The following GCHFR variants were observed in gnomAD, a reference collection of about 807,000 sequenced individuals.
GCHFR encodes GTP cyclohydrolase I feedback regulator.
Under a neutral mutation model 10.6 loss-of-function variants are expected in GCHFR, and 12 were observed. The observed-to-expected ratio is 1.13, with a 90% CI of 0.72 to 1.83. The LOEUF (loss-of-function observed/expected upper bound fraction) is 1.83. GCHFR is among the 40% of genes most tolerant of loss of function. The pLI, the probability that GCHFR is intolerant of heterozygous loss-of-function variation, is 0.00. For synonymous variants in GCHFR, 54 were observed against 43.7 expected, an observed-to-expected ratio of 1.24 and a Z score of -0.93; for missense variants, 116 against 110.6, an observed-to-expected ratio of 1.05 and a Z score of -0.22.
rs1888979844 is a variant in GCHFR, at chr15:40,767,594, T to TTGTGTAGGCCA, written c.*249_*259dup. 1 of 589,930 alleles carries TTGTGTAGGCCA rather than the reference T, an allele frequency of 1.7e-6. No individual in the cohort carries two copies. Among genetic ancestry groups the TTGTGTAGGCCA allele is most frequent in the African/African-American group, 1.9e-5 (1 of 51,716 alleles). The allele number at this position is 589,930 out of a possible 1,614,324, so 36.5% of individuals were successfully genotyped here. A position where few individuals can be genotyped will look rare whatever the true frequency, so the allele number is the denominator to read the frequency against. On this transcript the variant is annotated 3_prime_UTR_variant, in exon 3 of 3. Coordinates refer to ENST00000260447, the MANE Select transcript of GCHFR (RefSeq NM_005258.3). ...CTGCTTCGGGCCTGGGCCGAGGGCC[T>TTGTGTAGGCCA]TGTGTAGGCCATGTTCCTCGGGCAG...
rs759815106 is a variant in GCHFR, at chr15:40,767,248, C to A, written c.154C>A (p.Pro52Thr). Residue 52 changes from proline to threonine, a missense_variant, in exon 3 of 3, where the codon CCT (proline) becomes ACT (threonine). Transcript: ENST00000260447. ...NNFYEYYVDDPPRIVLDKLER... is the reference protein window; with the variant it reads ...NNFYEYYVDDTPRIVLDKLER... ...CAGTTATGAATACTACGTCGATGAC[C>A]CTCCCCGCATAGTCCTGGACAAGCT... The A allele has an allele frequency of 1.3e-6, 2 of 1,580,568 alleles. No homozygotes were observed. Among genetic ancestry groups the A allele is most frequent in the Admixed American group, 3.6e-5 (2 of 55,550 alleles).
rs759847227 is a variant in GCHFR at position 40,767,321 on chromosome 15, C to A, written c.227C>A (p.Thr76Lys). 5 of 1,602,674 alleles carry A rather than the reference C, an allele frequency of 3.1e-6. No individual in the cohort carries two copies. The part of the protein sequence containing the change: ...RVLSMTGVGQ[T>K]LVWCLHKE The stretch of plus-strand genomic sequence containing the variant: ...CTGAGCATGACGGGGGTGGGCCAGA[C>A]GCTGGTGTGGTGTCTGCACAAGGAG... The change falls in exon 3 of 3, where the codon ACG becomes AAG. Residue 76 changes from threonine to lysine, a missense_variant. Physicochemically the swap from Thr to Lys is moderately conservative, Grantham distance 78. Transcript: ENST00000260447.
Position 40,767,446 on chromosome 15 carries a change from T to C in GCHFR, c.*97T>C. 7.4e-7 allele frequency: 1 copy of C among 1,344,546 alleles called. No homozygotes were observed. Among genetic ancestry groups the C allele is most frequent in the Admixed American group, 2.6e-5 (1 of 38,278 alleles). 83.3% of individuals were successfully genotyped at this position (1,344,546 alleles called of 1,614,324 possible). A position where few individuals can be genotyped will look rare whatever the true frequency, so the allele number is the denominator to read the frequency against. On this transcript the variant is annotated 3_prime_UTR_variant, in exon 3 of 3. Transcript: ENST00000260447. ...TGCCTCACCGTCTGCCTTGCTCCTC[T>C]CTTCCCAAATCATCACCGCCATGGG... is the stretch of plus-strand genomic sequence containing the variant.
Position 40,767,406 on chromosome 15 carries a change from T to G in GCHFR, c.*57T>G. ...CCTGTGGAGGGGCTGCTGTGGGCCCTGACCTCCAAGCTCCTGCCTCACCGT... is the reference window on the plus strand; with the variant it reads ...CCTGTGGAGGGGCTGCTGTGGGCCCGGACCTCCAAGCTCCTGCCTCACCGT... On this transcript the variant is annotated 3_prime_UTR_variant, in exon 3 of 3. Transcript: ENST00000260447. 2.0e-6 allele frequency: 3 copies of G among 1,521,252 alleles called. No homozygotes were observed. The highest frequency in any genetic ancestry group is 2.6e-6 in the Non-Finnish European group (3 of 1,132,494). 94.2% of individuals were successfully genotyped at this position (1,521,252 alleles called of 1,614,324 possible). A position where few individuals can be genotyped will look rare whatever the true frequency, so the allele number is the denominator to read the frequency against.
chr15:40,767,007 G>A (rs572994642), intron 2 of GCHFR: 31 of 397,058 alleles, frequency 7.8e-5, no homozygotes, highest in African/African-American at 6.2e-4. Flanking sequence ...CCACAACAGT[G>A]GCACCTTCAC....
At position 40,767,323 on chromosome 15, in the gene GCHFR, C is replaced by T. The variant is rs772366096; in HGVS notation, c.229C>T (p.Leu77=). 11 of 1,603,428 alleles carry T rather than the reference C, an allele frequency of 6.9e-6. No homozygotes were observed. The African/African-American group carries it at 1.2e-4, about 18-fold the overall frequency. The change falls in exon 3 of 3, where the codon CTG becomes TTG. Residue 77 remains leucine (L), a synonymous_variant. Coordinates refer to ENST00000260447, the MANE Select transcript of GCHFR (RefSeq NM_005258.3). The part of the protein sequence containing the change: ...VLSMTGVGQT[L]VWCLHKE ...GAGCATGACGGGGGTGGGCCAGACG[C>T]TGGTGTGGTGTCTGCACAAGGAGTG...
intron 1 of GCHFR, among the ~76,000 whole-genome samples, chr15:40,764,937 G>C (rs1360735260): frequency 6.6e-6 from 1 of 152,198 alleles, no homozygotes; most frequent in Non-Finnish European, 1.5e-5. Flanking sequence ...CTCTGCCCTT[G>C]CTCACTGCCC....
At chr15:40,764,839 C>T (rs1453164386) in intron 1 of GCHFR, among the ~76,000 whole-genome samples, 1 of 152,192 alleles carries the variant, frequency 6.6e-6, no homozygotes, top group Non-Finnish European at 1.5e-5. Flanking sequence ...TTTCTCTGGG[C>T]GCAGTTTCCT....
chr15:40,767,113 C>A, intron 2 of GCHFR, 113 bp from the exon 3 acceptor site: 1 of 1,150,786 alleles, frequency 8.7e-7, no homozygotes, highest in Non-Finnish European at 1.2e-6. Flanking sequence ...AGCAAGCAGC[C>A]AGCAAGTGTG....
In GCHFR at chr15:40,765,922, G is replaced by T. The variant is rs1347478323; in HGVS notation, c.131+1G>T. On this transcript the variant is annotated splice_donor_variant, in intron 2 of 2. Coordinates refer to ENST00000260447, the MANE Select transcript of GCHFR (RefSeq NM_005258.3). LOFTEE classifies it high-confidence loss of function. ...AGAGAAGAGCCTTGGGAAACAACTTGTAAGTAGCAGCCTCCCTCAGTATCC... is the reference window on the plus strand; with the variant it reads ...AGAGAAGAGCCTTGGGAAACAACTTTTAAGTAGCAGCCTCCCTCAGTATCC... 3 of 1,513,368 alleles carry T rather than the reference G, an allele frequency of 2.0e-6. No homozygotes were observed. Among genetic ancestry groups the T allele is most frequent in the East Asian group, 4.7e-5 (2 of 42,418 alleles). The allele number at this position is 1,513,368 out of a possible 1,614,324, so 93.7% of individuals were successfully genotyped here. A position where few individuals can be genotyped will look rare whatever the true frequency, so the allele number is the denominator to read the frequency against.
chr15:40,767,354 C>G lies in GCHFR; in HGVS notation c.*5C>G, dbSNP rs1888973462. 1 of 1,594,124 alleles carries G rather than the reference C, an allele frequency of 6.3e-7. No homozygotes were observed. Among genetic ancestry groups the G allele is most frequent in the Non-Finnish European group, 8.5e-7 (1 of 1,171,366 alleles). ...TGGTGTCTGCACAAGGAGTGACCTT[C>G]TCATGCTGATTTGCAGACGGGGCAC... is the stretch of plus-strand genomic sequence containing the variant. On this transcript the variant is annotated 3_prime_UTR_variant, in exon 3 of 3. Coordinates refer to ENST00000260447, the MANE Select transcript of GCHFR (RefSeq NM_005258.3).
At chr15:40,764,368 G>A in intron 1 of GCHFR, 152 bp downstream of exon 1, 1 of 593,276 alleles carries the variant, frequency 1.7e-6, no homozygotes, top group Non-Finnish European at 2.7e-6. Flanking sequence ...AGGGAGTGGA[G>A]AAGCGGGCTC....
intron 2 of GCHFR, 59 bp downstream of exon 2, chr15:40,765,980 C>T: frequency 1.2e-6 from 1 of 817,946 alleles, no homozygotes; most frequent in Non-Finnish European, 1.9e-6. Flanking sequence ...TGCCTCTGCT[C>T]CCTTTATACA....
intron 2 of GCHFR, chr15:40,766,141 C>G (rs1011847764): frequency 2.6e-6 from 1 of 385,844 alleles, no homozygotes; most frequent in Non-Finnish European, 4.7e-6. Flanking sequence ...CACATCCTTA[C>G]TGGAACCGCA....
intron 2 of GCHFR, 157 bp from the exon 3 acceptor site, chr15:40,767,069 A>T: frequency 1.7e-6 from 1 of 576,130 alleles, no homozygotes; most frequent in South Asian, 4.1e-5. Context: ...CTAGAAGGGG[A>T]GGAGGCAGGG....
At chr15:40,767,138 T>C (rs755769736) in intron 2 of GCHFR, 88 bp from the exon 3 acceptor site, 38 of 1,352,492 alleles carry the variant, frequency 2.8e-5, no homozygotes, top group Non-Finnish European at 3.7e-5. Flanking sequence ...ACTACAAGAG[T>C]GGCCAGGCTG....
intron 2 of GCHFR, chr15:40,766,657 A>T (rs1776083691): frequency 6.6e-6 from 1 of 152,300 alleles, no homozygotes; most frequent in Non-Finnish European, 1.5e-5. Context: ...GCATCAATTA[A>T]ACCTGACAGA....
rs144349267 is a variant in GCHFR, at chr15:40,766,653, A to G, written c.132-573A>G. ...TCTGCTTCATGGTCTTTCAGCATCA[A>G]TTAAACCTGACAGAAGGACTACCAG... is the stretch of plus-strand genomic sequence containing the variant. On this transcript the variant is annotated intron_variant, in intron 2 of 2. Transcript: ENST00000260447. The G allele has an allele frequency of 4.6e-5, 7 of 152,456 alleles. No individual in the cohort carries two copies. In the East Asian group the frequency reaches 1.3e-3, roughly 29 times the overall value. 9.4% of individuals were successfully genotyped at this position (152,456 alleles called of 1,614,324 possible).
intron 1 of GCHFR, chr15:40,765,154 ATTCTTAT>A (rs1367206673): frequency 1.3e-5 from 2 of 152,170 alleles, no homozygotes; most frequent in African/African-American, 4.8e-5. Flanking sequence ...CCCCAAAGTG[ATTCTTAT>A]TTCTTAAAAG....
Sources: gnomAD v4.1 joint callset for allele counts (sites outside exome capture counted in the v4.1 genomes callset) on GRCh38, gnomAD v4.1.1 for gene constraint, MANE v1.5 for transcripts, NCBI Gene and HGNC (gene_info 2026-07-23, HGNC 2026-07-21) for gene names.